PRUNE2: variants seen among roughly 807,000 people sequenced by gnomAD.
The protein encoded by PRUNE2 is prune homolog 2 with BCH domain, also known as protein prune homolog 2.
Under a neutral mutation model 252.0 loss-of-function variants are expected in PRUNE2, and 164 were observed. That is an observed-to-expected ratio of 0.65 (90% CI 0.57 to 0.74). The LOEUF is 0.74. Among genes scored for constraint, PRUNE2 ranks in the 30% least tolerant of loss-of-function variants. The probability of loss-of-function intolerance (pLI) is 0.00; values close to 1 mark genes in which losing one functional copy is unlikely to be tolerated. For synonymous variants in PRUNE2, 1,292 were observed against 1,350.2 expected, an observed-to-expected ratio of 0.96 and a Z score of 0.94; for missense variants, 3,495 against 3,711.0, an observed-to-expected ratio of 0.94 and a Z score of 1.51.
At chr9:76,723,975 C>T (rs1477879315) in intron 6 of PRUNE2, among the ~76,000 whole-genome samples, 2 of 150,924 alleles carry the variant, frequency 1.3e-5, no homozygotes, top group African/African-American at 4.9e-5. Flanking sequence ...GCTCGGCTAA[C>T]TTTTTGTATT....
chr9:76,714,739 T>C (rs1327034170), intron 6 of PRUNE2, among the ~76,000 whole-genome samples: 1 of 152,218 alleles, frequency 6.6e-6, no homozygotes, highest in Non-Finnish European at 1.5e-5. Flanking sequence ...ACTTTCTCTG[T>C]GTGGGTGTCT....
intron 6 of PRUNE2, chr9:76,823,419 C>T (rs553638983): frequency 1.9e-6 from 1 of 517,026 alleles, no homozygotes; most frequent in South Asian, 2.9e-5. Context: ...AATGAAAGAG[C>T]ATTCATCTTG....
intron 6 of PRUNE2, chr9:76,748,778 G>A (rs773219605): frequency 1.3e-5 from 2 of 152,404 alleles, no homozygotes; most frequent in Non-Finnish European, 2.9e-5. Flanking sequence ...ATTTCAGGTG[G>A]ATGGAATAGT....
chr9:76,850,847 C>A (rs2059917611), intron 2 of PRUNE2, among the ~76,000 whole-genome samples, 182 bp from the exon 3 acceptor site: 1 of 151,944 alleles, frequency 6.6e-6, no homozygotes, highest in African/African-American at 2.4e-5. Context: ...CTCTGAGTGG[C>A]CCCTAACATT....
rs371548962 is a variant in PRUNE2, at chr9:76,765,121, C to T, written c.757-51400G>A. On this transcript the variant is annotated intron_variant, in intron 6 of 18. Transcript: ENST00000376718. ...AGATGTACATTTGTTGGGGGCGTGA[C>T]ATTAACATATAACCACTTAGAGTGG... Among the ~76,000 whole-genome samples the T allele has an allele frequency of 2.7e-4, 41 of 152,246 alleles. 1 individual carries two copies. In the South Asian group the frequency reaches 8.3e-3, roughly 31 times the overall value.
chr9:76,824,972 C>T (rs753013722), intron 5 of PRUNE2, among the ~76,000 whole-genome samples: 18 of 152,220 alleles, frequency 1.2e-4, no homozygotes, highest in Non-Finnish European at 1.6e-4. Flanking sequence ...AGGACATGCA[C>T]ATCTATGCAT....
chr9:76,675,115 G>A (rs1475381669), intron 9 of PRUNE2, among the ~76,000 whole-genome samples: 1 of 99,190 alleles, frequency 1.0e-5, no homozygotes, highest in Non-Finnish European at 2.3e-5. Context: ...ACTACCATCA[G>A]AGTGAACAGG....
chr9:76,624,717 A>G (rs888165619), intron 16 of PRUNE2, among the ~76,000 whole-genome samples: 2 of 152,252 alleles, frequency 1.3e-5, no homozygotes, highest in African/African-American at 2.4e-5. Flanking sequence ...AAATGTAGAC[A>G]TAAGTTGCAA....
chr9:76,813,510 T>A (rs550598955), intron 6 of PRUNE2, among the ~76,000 whole-genome samples: 1 of 152,282 alleles, frequency 6.6e-6, no homozygotes, highest in East Asian at 1.9e-4. Context: ...CACACACAAA[T>A]AAGGAAATAT....
intron 9 of PRUNE2, among the ~76,000 whole-genome samples, chr9:76,671,918 G>C (rs1588436812): frequency 6.6e-6 from 1 of 152,092 alleles, no homozygotes; most frequent in East Asian, 1.9e-4. Context: ...AACATGGAAA[G>C]GAACAACCAG....
At chr9:76,699,281 A>AT (rs1345795370) in intron 9 of PRUNE2, among the ~76,000 whole-genome samples, 1 of 152,032 alleles carries the variant, frequency 6.6e-6, no homozygotes, top group Non-Finnish European at 1.5e-5. Context: ...TATAGATCAG[A>AT]TTTTTTACTA....
chr9:76,674,253 C>T (rs1373164009), intron 9 of PRUNE2, among the ~76,000 whole-genome samples: 2 of 152,144 alleles, frequency 1.3e-5, no homozygotes, highest in African/African-American at 4.8e-5. Context: ...CATTCTTATA[C>T]ACCAACAACA....
chr9:76,707,010 G>T lies in PRUNE2; in HGVS notation c.5264C>A (p.Pro1755Gln). Residue 1755 changes from proline to glutamine, a missense_variant, in exon 8 of 19, where the codon CCA becomes CAA. Coordinates refer to ENST00000376718, the MANE Select transcript of PRUNE2 (RefSeq NM_015225.3). ...GCTGCTTTGTTGATTGTCACAGAAT[G>T]GGTTTGACTTATTCTCATTCTCTGC... ...EPAENENKSN[P>Q]FCDNQQSSPD... 6.2e-7 allele frequency: 1 copy of T among 1,613,982 alleles called. No individual in the cohort carries two copies. The highest frequency in any genetic ancestry group is 1.7e-5 in the Admixed American group (1 of 60,028).
chr9:76,655,000 A>T (rs757293499), intron 10 of PRUNE2, among the ~76,000 whole-genome samples: 1 of 152,146 alleles, frequency 6.6e-6, no homozygotes, highest in African/African-American at 2.4e-5. Flanking sequence ...AATGTAGGGT[A>T]GTTGTTTTTT....
At chr9:76,624,948 T>C (rs754839087) in intron 16 of PRUNE2, 43 of 936,450 alleles carry the variant, frequency 4.6e-5, no homozygotes, top group Non-Finnish European at 6.3e-5. Context: ...TGGTAGCTTG[T>C]TGAGGTCACC....
At position 76,872,600 on chromosome 9, in the gene PRUNE2, A is replaced by AACACACACAC. The variant is rs71354690; in HGVS notation, c.37-18402_37-18393dup. Among the ~76,000 whole-genome samples the AACACACACAC allele has an allele frequency of 2.7e-3, 382 of 139,346 alleles. 2 individuals are homozygous for AACACACACAC. The highest frequency in any genetic ancestry group is 3.7e-3 in the Non-Finnish European group (241 of 64,744). The allele number at this position is 139,346 out of a possible 152,430, so 91.4% of individuals were successfully genotyped here. A position where few individuals can be genotyped will look rare whatever the true frequency, so the allele number is the denominator to read the frequency against. On this transcript the variant is annotated intron_variant, in intron 1 of 18. Transcript: ENST00000376718. ...ACAATTTTACATGATGATTATGGAA[A>AACACACACAC]ACACACACACACACACACACACACA...
rs976903312 is a variant in PRUNE2 at position 76,853,636 on chromosome 9, G to C, written c.141+468C>G. Among the ~76,000 whole-genome samples the C allele has an allele frequency of 2.0e-5, 3 of 152,144 alleles. No individual in the cohort carries two copies. The East Asian group carries it at 5.8e-4, about 29-fold the overall frequency. On this transcript the variant is annotated intron_variant, in intron 2 of 18. Transcript: ENST00000376718. ...ACAAGGACCTACAGGATGTAGATTT[G>C]ACATGTAATACTCGTCACTGAAAAC...
chr9:76,697,420 C>T (rs144105746), intron 9 of PRUNE2, among the ~76,000 whole-genome samples: 149 of 152,244 alleles, frequency 9.8e-4, no homozygotes, highest in Non-Finnish European at 1.9e-3. Context: ...GGCCTCCAAC[C>T]ACTCGAGTTG....
intron 6 of PRUNE2, among the ~76,000 whole-genome samples, chr9:76,717,449 A>G (rs2047248237): frequency 6.6e-6 from 1 of 152,144 alleles, no homozygotes; most frequent in African/African-American, 2.4e-5. Context: ...CATCATCAAC[A>G]CAACCCAACT....
Sources: gnomAD v4.1 joint callset for allele counts (sites outside exome capture counted in the v4.1 genomes callset) on GRCh38, gnomAD v4.1.1 for gene constraint, MANE v1.5 for transcripts, NCBI Gene and HGNC (gene_info 2026-07-23, HGNC 2026-07-21) for gene names.